Variants in PIGH observed in about 807,000 individuals in gnomAD.
The protein encoded by PIGH is phosphatidylinositol glycan anchor biosynthesis class H.
In PIGH, 11 loss-of-function variants were observed where a neutral mutation model predicts 20.1. The observed-to-expected ratio is 0.55, with a 90% confidence interval of 0.34 to 0.91. The LOEUF is 0.91. Among genes scored for constraint, PIGH ranks in the 40% least tolerant of loss-of-function variants. The probability of loss-of-function intolerance (pLI) is 0.02; values close to 1 mark genes in which losing one functional copy is unlikely to be tolerated. For missense variants in PIGH, 189 were observed against 233.6 expected, an observed-to-expected ratio of 0.81 and a Z score of 1.24; for synonymous variants, 72 against 93.1, an observed-to-expected ratio of 0.77 and a Z score of 1.31.
At chr14:67,598,206 T>G (rs1410616935) in intron 1 of PIGH, among the ~76,000 whole-genome samples, 7 of 152,168 alleles carry the variant, frequency 4.6e-5, no homozygotes, top group African/African-American at 1.7e-4. Flanking sequence ...GTAAGAAATT[T>G]TGGCACACAG....
At chr14:67,592,362 C>G in intron 3 of PIGH, 1 of 455,492 alleles carries the variant, frequency 2.2e-6, no homozygotes, top group South Asian at 2.2e-5. Context: ...ATTTCTTGAG[C>G]CTGGGAGGTG....
intron 1 of PIGH, among the ~76,000 whole-genome samples, chr14:67,594,964 C>T (rs1262177247): frequency 2.0e-5 from 3 of 151,776 alleles, no homozygotes; most frequent in Non-Finnish European, 2.9e-5. Context: ...GGTGAAACCC[C>T]GTCTCTACTA....
Position 67,600,145 on chromosome 14 carries a change from C to T in PIGH, c.59G>A (p.Arg20His), listed in dbSNP as rs1295823142. ...TTCCCGGCAGGACGGGGAGTAGTAG[C>T]GGCGCTGCAGCGCCAGGCGGCCGCC... Reference protein sequence around the residue: ...ICGGRLALQRRYYSPSCREFC... With the variant: ...ICGGRLALQRHYYSPSCREFC... The change falls in exon 1 of 4, where the codon CGC becomes CAC. Residue 20 changes from arginine (R) to histidine (H), a missense_variant. Coordinates refer to ENST00000216452, the MANE Select transcript of PIGH (RefSeq NM_004569.5). The T allele has an allele frequency of 1.3e-6, 2 of 1,593,400 alleles. No homozygotes were observed. Among genetic ancestry groups the T allele is most frequent in the South Asian group, 2.3e-5 (2 of 88,420 alleles).
intron 2 of PIGH, chr14:67,593,474 G>C: frequency 2.6e-6 from 1 of 378,140 alleles, no homozygotes; most frequent in Non-Finnish European, 4.8e-6. Flanking sequence ...CTGGGCAACA[G>C]AGTGAGACCC....
intron 3 of PIGH, among the ~76,000 whole-genome samples, chr14:67,591,472 G>A (rs2036367585): frequency 6.6e-6 from 1 of 152,152 alleles, no homozygotes; most frequent in Admixed American, 6.5e-5. Context: ...AGGGTTAACT[G>A]TATACATAAA....
rs1351738704 is a variant in PIGH, at chr14:67,600,261, G to T, written c.-58C>A. The T allele has an allele frequency of 1.4e-6, 2 of 1,416,128 alleles. No individual in the cohort carries two copies. The highest frequency in any genetic ancestry group is 1.5e-5 in the African/African-American group (1 of 67,740). 87.7% of individuals were successfully genotyped at this position (1,416,128 alleles called of 1,614,324 possible). A position where few individuals can be genotyped will look rare whatever the true frequency, so the allele number is the denominator to read the frequency against. On this transcript the variant is annotated 5_prime_UTR_variant, in exon 1 of 4. Transcript: ENST00000216452. ...CGCTGCACTGCGCTCGCCGGCCCTGGCCGTCTCGCCCGCTCCAGACCCGCT... is the reference window on the plus strand; with the variant it reads ...CGCTGCACTGCGCTCGCCGGCCCTGTCCGTCTCGCCCGCTCCAGACCCGCT...
rs1407388358 is a variant in PIGH, at chr14:67,600,136, G to T, written c.68C>A (p.Ser23Tyr). Residue 23 changes from serine to tyrosine, a missense_variant, in exon 1 of 4, where the codon TCC becomes TAC. By Grantham distance (144) the Ser-to-Tyr change is moderately radical (BLOSUM62 -2). Transcript: ENST00000216452. The part of the protein sequence containing the change: ...GRLALQRRYY[S>Y]PSCREFCLSC... ...GAGGCAGAATTCCCGGCAGGACGGG[G>T]AGTAGTAGCGGCGCTGCAGCGCCAG... The T allele has an allele frequency of 1.3e-6, 2 of 1,594,938 alleles. No individual in the cohort carries two copies. The highest frequency in any genetic ancestry group is 4.6e-5 in the East Asian group (2 of 43,782).
Position 67,593,882 on chromosome 14 carries a change from T to C in PIGH, c.251A>G (p.Lys84Arg), listed in dbSNP as rs1450125070. Residue 84 changes from lysine (K) to arginine (R), a missense_variant, in exon 2 of 4, where the codon AAG (lysine) becomes AGG (arginine). By Grantham distance (26) the Lys-to-Arg change is conservative (BLOSUM62 2). Transcript: ENST00000216452. Reference protein sequence around the residue: ...LGLLGYLHFVKIDQETLLIID... With the variant: ...LGLLGYLHFVRIDQETLLIID... The stretch of plus-strand genomic sequence containing the variant: ...GATTAACAGAGTCTCCTGATCAATC[T>C]TCACAAAATGGAGATAACCAAGCAG... The C allele has an allele frequency of 6.2e-7, 1 of 1,613,456 alleles. No homozygotes were observed. Among genetic ancestry groups the C allele is most frequent in the East Asian group, 2.2e-5 (1 of 44,870 alleles).
chr14:67,590,232 G>GCACCA, intron 3 of PIGH, 60 bp from the exon 4 acceptor site: 1 of 1,335,304 alleles, frequency 7.5e-7, no homozygotes, highest in Non-Finnish European at 1.0e-6. Context: ...GTGCAGTGGT[G>GCACCA]CTGCATCCAC....
At chr14:67,592,810 G>C in intron 2 of PIGH, 92 bp from the exon 3 acceptor site, 1 of 839,544 alleles carries the variant, frequency 1.2e-6, no homozygotes, top group South Asian at 1.6e-5. Context: ...TTTTGAGACA[G>C]AGTCTCTCTC....
chr14:67,599,983 C>A (rs1483529999), intron 1 of PIGH, 41 bp downstream of exon 1: 6 of 1,505,532 alleles, frequency 4.0e-6, no homozygotes, highest in South Asian at 1.2e-5. Flanking sequence ...CAAAGCCGAA[C>A]CCCCTCCTTC....
chr14:67,599,210 G>A (rs935506643), intron 1 of PIGH, among the ~76,000 whole-genome samples: 1 of 151,990 alleles, frequency 6.6e-6, no homozygotes, highest in Non-Finnish European at 1.5e-5. Flanking sequence ...ATCACTTCTG[G>A]GATAATACAT....
rs12587848 is a variant in PIGH, at chr14:67,600,254, G to T, written c.-51C>A. 12 of 1,443,522 alleles carry T rather than the reference G, an allele frequency of 8.3e-6. No individual in the cohort carries two copies. Among genetic ancestry groups the T allele is most frequent in the Admixed American group, 2.4e-5 (1 of 41,220 alleles). The allele number at this position is 1,443,522 out of a possible 1,614,324, so 89.4% of individuals were successfully genotyped here. ...CGCGCGGCGCTGCACTGCGCTCGCC[G>T]GCCCTGGCCGTCTCGCCCGCTCCAG... On this transcript the variant is annotated 5_prime_UTR_variant, in exon 1 of 4. Coordinates refer to ENST00000216452, the MANE Select transcript of PIGH (RefSeq NM_004569.5).
chr14:67,592,170 C>A, intron 3 of PIGH: 1 of 207,664 alleles, frequency 4.8e-6, no homozygotes. Flanking sequence ...TATGCTGGCT[C>A]ATGCTTGTAA....
At chr14:67,595,491 G>A (rs1594809468) in intron 1 of PIGH, among the ~76,000 whole-genome samples, 1 of 152,294 alleles carries the variant, frequency 6.6e-6, no homozygotes, top group East Asian at 1.9e-4. Context: ...CTAATAAACA[G>A]CCACCCACCA....
intron 2 of PIGH, chr14:67,593,366 C>T: frequency 4.1e-6 from 1 of 245,960 alleles, no homozygotes; most frequent in Non-Finnish European, 7.9e-6. Flanking sequence ...TGGTGCATGC[C>T]TGTAGTCCCA....
intron 3 of PIGH, among the ~76,000 whole-genome samples, chr14:67,591,471 T>C (rs1173294191): frequency 6.6e-6 from 1 of 152,264 alleles, no homozygotes; most frequent in African/African-American, 2.4e-5. Context: ...CAGGGTTAAC[T>C]GTATACATAA....
In PIGH at chr14:67,600,063, C is replaced by G. The variant is rs10134513; in HGVS notation, c.141G>C (p.Thr47=). ...AGAGTCCGTAGGCCGCCAGCCACAC[C>G]GTGCAGGTGACAGCGGTGAGCGAAC... ...SLRSLTAVTC[T]VWLAAYGLFT... is the part of the protein sequence containing the mutation. The change falls in exon 1 of 4, where the codon ACG becomes ACC. Residue 47 remains threonine (T), a synonymous_variant. Transcript: ENST00000216452. 6.3e-7 allele frequency: 1 copy of G among 1,590,096 alleles called. No homozygotes were observed. The highest frequency in any genetic ancestry group is 8.6e-7 in the Non-Finnish European group (1 of 1,168,870).
At chr14:67,597,922 A>G (rs986866251) in intron 1 of PIGH, among the ~76,000 whole-genome samples, 1 of 152,188 alleles carries the variant, frequency 6.6e-6, no homozygotes, top group Admixed American at 6.5e-5. Context: ...AACAACCTGG[A>G]ACTTTAATAG....
Sources: allele counts gnomAD v4.1 joint callset (sites outside exome capture counted in the v4.1 genomes callset), GRCh38; gene constraint gnomAD v4.1.1; transcripts MANE v1.5; gene names NCBI Gene and HGNC (gene_info 2026-07-23, HGNC 2026-07-21).